Variants in TMEM131L observed in about 807,000 individuals in gnomAD.
TMEM131L encodes transmembrane 131 like.
Under a neutral mutation model 192.2 loss-of-function variants are expected in TMEM131L, and 54 were observed. That is an observed-to-expected ratio of 0.28 (90% CI 0.23 to 0.35). The LOEUF (loss-of-function observed/expected upper bound fraction) is 0.35. TMEM131L is among the 10% of genes least tolerant of loss of function. The pLI, the probability that TMEM131L is intolerant of heterozygous loss-of-function variation, is 1.00. For missense variants in TMEM131L, 1,888 were observed against 1,972.9 expected, an observed-to-expected ratio of 0.96 and a Z score of 0.82; for synonymous variants, 701 against 704.9, an observed-to-expected ratio of 0.99 and a Z score of 0.09.
At position 153,620,740 on chromosome 4, in the gene TMEM131L, A is replaced by G. The variant is rs1733334994; in HGVS notation, c.3568-16A>G. ...ATTTAGTTTAAACCATTAAACATTT[A>G]CTTTCTCTTCTTTAGCAAGAAGATC... On this transcript the variant is annotated splice_polypyrimidine_tract_variant and intron_variant, in intron 26 of 34. Transcript: ENST00000409959. The G allele has an allele frequency of 1.4e-6, 2 of 1,462,470 alleles. No homozygotes were observed. The highest frequency in any genetic ancestry group is 1.4e-5 in the African/African-American group (1 of 69,604). 90.6% of individuals were successfully genotyped at this position (1,462,470 alleles called of 1,614,324 possible). A position where few individuals can be genotyped will look rare whatever the true frequency, so the allele number is the denominator to read the frequency against.
At chr4:153,510,215 A>G (rs913089562) in intron 3 of TMEM131L, among the ~76,000 whole-genome samples, 2 of 152,044 alleles carry the variant, frequency 1.3e-5, no homozygotes, top group African/African-American at 4.8e-5. Flanking sequence ...AGGTCTGTCC[A>G]TGCTGGTGAC....
Position 153,596,404 on chromosome 4 carries a change from T to C in TMEM131L, c.2123+19T>C. On this transcript the variant is annotated intron_variant, in intron 20 of 34. Coordinates refer to ENST00000409959, the MANE Select transcript of TMEM131L (RefSeq NM_001131007.2). ...TAATCCGGTAGGTGTGTTCCTGTTG[T>C]AGAATCTGTTTCTTTCTCAATGACT... The C allele has an allele frequency of 3.1e-6, 5 of 1,612,062 alleles. No individual in the cohort carries two copies. The highest frequency in any genetic ancestry group is 4.2e-6 in the Non-Finnish European group (5 of 1,178,518).
Position 153,635,554 on chromosome 4 carries a change from A to T in TMEM131L, c.4540A>T (p.Ser1514Cys). 4 of 1,614,136 alleles carry T rather than the reference A, an allele frequency of 2.5e-6. No homozygotes were observed. The highest frequency in any genetic ancestry group is 3.4e-6 in the Non-Finnish European group (4 of 1,180,008). ...PNMPAAWGHA[S>C]FISSPPYLTS... is the part of the protein sequence containing the mutation. ...CATGCCTGCTGCCTGGGGACATGCC[A>T]GTTTCATCAGCTCTCCGGTCAGTGT... The change falls in exon 34 of 35, where the codon AGT becomes TGT. Residue 1514 changes from serine (S) to cysteine (C), a missense_variant. Physicochemically the swap from Ser to Cys is moderately radical, Grantham distance 112. Transcript: ENST00000409959.
chr4:153,566,486 T>C (rs1316696627), intron 7 of TMEM131L, among the ~76,000 whole-genome samples: 3 of 150,852 alleles, frequency 2.0e-5, no homozygotes, highest in African/African-American at 7.4e-5. Flanking sequence ...TTCTGCCAAA[T>C]AAAGGTAGTT....
intron 3 of TMEM131L, among the ~76,000 whole-genome samples, chr4:153,499,693 A>G (rs1017065101): frequency 3.3e-5 from 5 of 152,158 alleles, no homozygotes; most frequent in African/African-American, 1.2e-4. Context: ...CCAAAATGCT[A>G]GGATTACAGG....
chr4:153,528,517 G>GTGTAA (rs1333184454), intron 3 of TMEM131L, among the ~76,000 whole-genome samples: 1 of 152,200 alleles, frequency 6.6e-6, no homozygotes, highest in East Asian at 1.9e-4. Flanking sequence ...GTAAGAAAAA[G>GTGTAA]TGTAAGTTCA....
Position 153,466,397 on chromosome 4 carries a change from C to T in TMEM131L, c.-1C>T. On this transcript the variant is annotated 5_prime_UTR_variant, in exon 1 of 35. Transcript: ENST00000409959. ...CAACGGAGAGGAGCGCGAGCAGCAGCATGGCGGGGCTCCGACGCCCGCAGC... is the reference window on the plus strand; with the variant it reads ...CAACGGAGAGGAGCGCGAGCAGCAGTATGGCGGGGCTCCGACGCCCGCAGC... 2.3e-6 allele frequency: 3 copies of T among 1,333,094 alleles called. No individual in the cohort carries two copies. The highest frequency in any genetic ancestry group is 2.9e-6 in the Non-Finnish European group (3 of 1,037,362). The allele number at this position is 1,333,094 out of a possible 1,614,324, so 82.6% of individuals were successfully genotyped here. A position where few individuals can be genotyped will look rare whatever the true frequency, so the allele number is the denominator to read the frequency against.
intron 8 of TMEM131L, 70 bp downstream of exon 8, chr4:153,580,973 G>T (rs1300392281): frequency 2.6e-6 from 3 of 1,134,746 alleles, no homozygotes; most frequent in African/African-American, 1.6e-5. Flanking sequence ...AAAACACAAG[G>T]CTGGGCGCTG....
chr4:153,524,250 A>T (rs982626589), intron 3 of TMEM131L, among the ~76,000 whole-genome samples: 1 of 150,878 alleles, frequency 6.6e-6, no homozygotes, highest in African/African-American at 2.4e-5. Context: ...CTTCCAGGGC[A>T]TGTAGCCCAA....
At chr4:153,505,672 A>G (rs1194627197) in intron 3 of TMEM131L, among the ~76,000 whole-genome samples, 2 of 152,204 alleles carry the variant, frequency 1.3e-5, no homozygotes, top group African/African-American at 4.8e-5. Flanking sequence ...AAAGCTCATG[A>G]CACATTACTG....
intron 15 of TMEM131L, among the ~76,000 whole-genome samples, chr4:153,588,336 A>G (rs1157619572): frequency 5.0e-5 from 6 of 121,046 alleles, no homozygotes; most frequent in African/African-American, 2.5e-4. Flanking sequence ...TTTAAAGTAT[A>G]GTTTTTTTTT....
At chr4:153,589,113 C>T (rs937761645) in intron 16 of TMEM131L, 106 bp downstream of exon 16, 5 of 647,956 alleles carry the variant, frequency 7.7e-6, no homozygotes, top group East Asian at 5.2e-5. Flanking sequence ...CTCACCCCAC[C>T]GTAGATGCCT....
At chr4:153,542,115 G>A (rs1736832870) in intron 3 of TMEM131L, among the ~76,000 whole-genome samples, 1 of 152,224 alleles carries the variant, frequency 6.6e-6, no homozygotes, top group Non-Finnish European at 1.5e-5. Context: ...GTCAGTGAAG[G>A]AAGCATTAAT....
At chr4:153,511,081 C>T (rs905606729) in intron 3 of TMEM131L, among the ~76,000 whole-genome samples, 4 of 152,004 alleles carry the variant, frequency 2.6e-5, no homozygotes, top group East Asian at 1.9e-4. Context: ...GGTGATTTCT[C>T]GAAGAACTAA....
chr4:153,604,672 T>G (rs1732091800), intron 25 of TMEM131L, among the ~76,000 whole-genome samples: 1 of 152,196 alleles, frequency 6.6e-6, no homozygotes, highest in Non-Finnish European at 1.5e-5. Context: ...CATATTTTCT[T>G]GTTGGGATGG....
At position 153,632,080 on chromosome 4, in the gene TMEM131L, G is replaced by A. The variant is rs1228709046; in HGVS notation, c.4208-638G>A. On this transcript the variant is annotated intron_variant, in intron 31 of 34. Transcript: ENST00000409959. ...TGTAATCCCAACACTTTGGGAGGCC[G>A]AGGCAGTGGATCAGTTGAGGCCAGG... Among the ~76,000 whole-genome samples, 3 of 152,198 alleles carry A rather than the reference G, an allele frequency of 2.0e-5. No individual in the cohort carries two copies. In the East Asian group the frequency reaches 5.8e-4, roughly 29 times the overall value.
At chr4:153,554,783 A>G (rs1244439645) in intron 4 of TMEM131L, among the ~76,000 whole-genome samples, 1 of 152,242 alleles carries the variant, frequency 6.6e-6, no homozygotes, top group African/African-American at 2.4e-5. Flanking sequence ...TCATTGCAAC[A>G]TAATTGAACA....
intron 3 of TMEM131L, among the ~76,000 whole-genome samples, chr4:153,546,817 C>T (rs1737212504): frequency 6.6e-6 from 1 of 152,198 alleles, no homozygotes; most frequent in South Asian, 2.1e-4. Flanking sequence ...AACCCAGCTA[C>T]TCGTGGGGCT....
chr4:153,507,563 A>C (rs1440232271), intron 3 of TMEM131L, among the ~76,000 whole-genome samples: 1 of 152,054 alleles, frequency 6.6e-6, no homozygotes, highest in Non-Finnish European at 1.5e-5. Context: ...CTCATGTCCC[A>C]AAAGAGAATA....
Sources: allele counts gnomAD v4.1 joint callset (sites outside exome capture counted in the v4.1 genomes callset), GRCh38; gene constraint gnomAD v4.1.1; transcripts MANE v1.5; gene names NCBI Gene and HGNC (gene_info 2026-07-23, HGNC 2026-07-21).